NCAPD3: variants seen among roughly 807,000 people sequenced by gnomAD.
NCAPD3 encodes the protein non-SMC condensin II complex subunit D3, also known as condensin-2 complex subunit D3.
Under a neutral mutation model 182.9 loss-of-function variants are expected in NCAPD3, and 105 were observed. The ratio of observed to expected loss-of-function variants is 0.57; its 90% confidence interval spans 0.49 to 0.68. The LOEUF (loss-of-function observed/expected upper bound fraction) is 0.68, where lower values mean the gene tolerates loss of function less well. NCAPD3 is among the 30% of genes least tolerant of loss of function. The pLI is 0.00. For synonymous variants in NCAPD3, 815 were observed against 679.9 expected (o/e 1.20, Z -3.09); for missense variants, 1,944 against 1,837.0 (o/e 1.06, Z -1.07).
chr11:134,176,569 C>G (rs978738446), intron 23 of NCAPD3, among the ~76,000 whole-genome samples, 183 bp from the exon 24 acceptor site: 16 of 152,238 alleles, frequency 1.1e-4, no homozygotes, highest in African/African-American at 3.6e-4. Flanking sequence ...CATCACCCTT[C>G]TACCACAGGA....
At chr11:134,176,912 A>G (rs1269630181) in intron 23 of NCAPD3, among the ~76,000 whole-genome samples, 1 of 152,250 alleles carries the variant, frequency 6.6e-6, no homozygotes, top group Non-Finnish European at 1.5e-5. Context: ...TTAAAAAAGA[A>G]TAACAGAATT....
intron 18 of NCAPD3, 67 bp downstream of exon 18, chr11:134,184,829 ACACACAC>A: frequency 7.4e-7 from 1 of 1,342,816 alleles, no homozygotes; most frequent in Non-Finnish European, 1.1e-6. Context: ...ACACACACAC[ACACACAC>A]ACACACACAC....
chr11:134,162,536 C>T (rs1181492974), intron 27 of NCAPD3, among the ~76,000 whole-genome samples: 2 of 152,154 alleles, frequency 1.3e-5, no homozygotes, highest in Non-Finnish European at 2.9e-5. Context: ...CAAGATTTAT[C>T]CTCCTGAAGC....
intron 19 of NCAPD3, 97 bp from the exon 20 acceptor site, chr11:134,181,281 G>T: frequency 1.3e-6 from 1 of 794,774 alleles, no homozygotes. Flanking sequence ...ATCTTCAAAT[G>T]GATAGGCTGT....
At position 134,205,008 on chromosome 11, in the gene NCAPD3, C is replaced by T. The variant is rs377299063; in HGVS notation, c.1017-37G>A. 1.4e-5 allele frequency: 21 copies of T among 1,518,666 alleles called. No individual in the cohort carries two copies. In the African/African-American group the frequency reaches 2.6e-4, roughly 19 times the overall value. The allele number at this position is 1,518,666 out of a possible 1,614,324, so 94.1% of individuals were successfully genotyped here. A position where few individuals can be genotyped will look rare whatever the true frequency, so the allele number is the denominator to read the frequency against. Reference sequence around the variant, plus strand: ...AAAAACACATCTACTGTTCACAATACAGTCAGCGACTGTCCCCAAAAACCA... The same window carrying T: ...AAAAACACATCTACTGTTCACAATATAGTCAGCGACTGTCCCCAAAAACCA... On this transcript the variant is annotated intron_variant, in intron 8 of 34. Transcript: ENST00000534548.
rs765333231 is a variant in NCAPD3, at chr11:134,153,068, G to A, written c.4389-16C>T. On this transcript the variant is annotated splice_polypyrimidine_tract_variant and intron_variant, in intron 34 of 34. Coordinates refer to ENST00000534548, the MANE Select transcript of NCAPD3 (RefSeq NM_015261.3). ...CTGTGGGGGCCTAGGGAAAGGACATGTGCAGTCATTCTGGAACTCAGAAAA... is the reference window on the plus strand; with the variant it reads ...CTGTGGGGGCCTAGGGAAAGGACATATGCAGTCATTCTGGAACTCAGAAAA... The A allele has an allele frequency of 5.6e-6, 9 of 1,610,388 alleles. No individual in the cohort carries two copies. Among genetic ancestry groups the A allele is most frequent in the Non-Finnish European group, 7.6e-6 (9 of 1,177,184 alleles).
chr11:134,217,097 C>T lies in NCAPD3; in HGVS notation c.221G>A (p.Ser74Asn), dbSNP rs1057442529. The change falls in exon 3 of 35, where the codon AGT (serine) becomes AAT (asparagine). Residue 74 changes from serine (S) to asparagine (N), a missense_variant and splice_region_variant. By Grantham distance (46) the Ser-to-Asn change is conservative. Around this residue, in one of 3 missense-constraint regions of NCAPD3, gnomAD observed 131 missense variants for 133.9 expected, o/e 0.98. Transcript: ENST00000534548. The stretch of plus-strand genomic sequence containing the variant: ...GTTCTCAATGAAGAAGGTCCAGATA[C>T]TCTGTGGGGAGACCGCAAATCACAA... Reference protein sequence around the residue: ...FATGEHGSMESIWTFFIENNV... With the variant: ...FATGEHGSMENIWTFFIENNV... The T allele has an allele frequency of 6.3e-7, 1 of 1,581,540 alleles. No individual in the cohort carries two copies. Among genetic ancestry groups the T allele is most frequent in the South Asian group, 1.2e-5 (1 of 85,354 alleles).
At chr11:134,154,111 A>T (rs1287862596) in intron 32 of NCAPD3, 2 of 152,300 alleles carry the variant, frequency 1.3e-5, no homozygotes, top group Admixed American at 1.3e-4. Flanking sequence ...GGGTATAAAA[A>T]CATAGCTACC....
At position 134,203,176 on chromosome 11, in the gene NCAPD3, C is replaced by T; in HGVS notation, c.1491G>A (p.Glu497=). 1 of 1,598,880 alleles carries T rather than the reference C, an allele frequency of 6.3e-7. No homozygotes were observed. Among genetic ancestry groups the T allele is most frequent in the Non-Finnish European group, 8.6e-7 (1 of 1,166,332 alleles). The change falls in exon 12 of 35, where the codon GAG becomes GAA. Residue 497 remains glutamate (E), a synonymous_variant. Coordinates refer to ENST00000534548, the MANE Select transcript of NCAPD3 (RefSeq NM_015261.3). ...TTCTCAGTAAGGTACCAGGGTGACT[C>T]TCTATTACAGAAAACGTAGGACCTA... is the stretch of plus-strand genomic sequence containing the variant. ...LINSPTFSVI[E]SHPGTLLRNS... is the part of the protein sequence containing the mutation.
In NCAPD3 at chr11:134,152,308, G is replaced by C. The variant is rs1943264844; in HGVS notation, c.*636C>G. 6.6e-6 allele frequency: 1 copy of C among 152,144 alleles called. No homozygotes were observed. The highest frequency in any genetic ancestry group is 2.4e-5 in the African/African-American group (1 of 41,390). 9.4% of individuals were successfully genotyped at this position (152,144 alleles called of 1,614,324 possible). On this transcript the variant is annotated 3_prime_UTR_variant, in exon 35 of 35. Transcript: ENST00000534548. ...TGGGCACAGATGAACTGCCCTTCAA[G>C]ACAATCATCTTTTTTCTAATAGGGA...
intron 18 of NCAPD3, 32 bp from the exon 19 acceptor site, chr11:134,184,784 A>G: frequency 6.6e-7 from 1 of 1,525,574 alleles, no homozygotes; most frequent in East Asian, 2.3e-5. Flanking sequence ...CTGAAGTTCA[A>G]CTGCTTAAAT....
chr11:134,166,039 TCA>T, intron 27 of NCAPD3, among the ~76,000 whole-genome samples: 1 of 101,422 alleles, frequency 9.9e-6, no homozygotes, highest in Non-Finnish European at 1.9e-5. Flanking sequence ...AGGCGCACAC[TCA>T]CTAGTGAGAT....
At chr11:134,209,618 T>C (rs1021716793) in intron 4 of NCAPD3, 141 bp from the exon 5 acceptor site, 8 of 729,650 alleles carry the variant, frequency 1.1e-5, no homozygotes, top group Admixed American at 8.7e-5. Flanking sequence ...CCAGGTCGCA[T>C]GACTGTTCTA....
intron 3 of NCAPD3, among the ~76,000 whole-genome samples, chr11:134,211,343 A>C (rs961964261): frequency 6.6e-6 from 1 of 152,212 alleles, no homozygotes; most frequent in East Asian, 1.9e-4. Flanking sequence ...ACACTCAACA[A>C]CATTCCAAAT....
chr11:134,205,884 T>C (rs1252606975), intron 8 of NCAPD3, among the ~76,000 whole-genome samples: 2 of 152,172 alleles, frequency 1.3e-5, no homozygotes, highest in East Asian at 1.9e-4. Context: ...GATGACGTCA[T>C]ACACACCCCA....
chr11:134,207,497 C>T (rs1400778532), intron 7 of NCAPD3, among the ~76,000 whole-genome samples: 3 of 151,952 alleles, frequency 2.0e-5, no homozygotes, highest in Admixed American at 6.6e-5. Flanking sequence ...CCTGTAATTC[C>T]AGCACTTTGG....
chr11:134,190,818 C>T (rs1944509111), intron 16 of NCAPD3, among the ~76,000 whole-genome samples: 1 of 152,152 alleles, frequency 6.6e-6, no homozygotes, highest in Non-Finnish European at 1.5e-5. Context: ...GATAAACACC[C>T]TTGGTTTTCT....
At chr11:134,174,382 C>CAAAAAAAAAAAAAA (rs34533048) in intron 24 of NCAPD3, among the ~76,000 whole-genome samples, 1 of 53,634 alleles carries the variant, frequency 1.9e-5, no homozygotes, top group Non-Finnish European at 3.2e-5. Context: ...GACCCTGTCT[C>CAAAAAAAAAAAAAA]AAAAAAAAAA....
intron 27 of NCAPD3, among the ~76,000 whole-genome samples, chr11:134,165,811 T>A (rs1480083361): frequency 7.0e-6 from 1 of 142,560 alleles, no homozygotes; most frequent in Non-Finnish European, 1.5e-5. Context: ...GCACACTCAC[T>A]TGTGAGATGA....
Sources: allele counts gnomAD v4.1 joint callset (sites outside exome capture counted in the v4.1 genomes callset), GRCh38; gene constraint gnomAD v4.1.1; regional missense constraint gnomAD v4.1.1; transcripts MANE v1.5; gene names NCBI Gene and HGNC (gene_info 2026-07-23, HGNC 2026-07-21).